The following PCDHA3 variants were observed in gnomAD, a reference collection of about 807,000 sequenced individuals.
PCDHA3 encodes the protein protocadherin alpha 3, also known as protocadherin alpha-3.
A neutral mutation model predicts 62.2 loss-of-function variants in PCDHA3; 41 were observed. The observed-to-expected ratio is 0.66, with a 90% CI of 0.51 to 0.86. The LOEUF (loss-of-function observed/expected upper bound fraction) is 0.86, where lower values mean the gene tolerates loss of function less well. Ranked by LOEUF, PCDHA3 falls within the 40% of genes least tolerant of loss-of-function variation. The pLI is 0.00. For missense variants in PCDHA3, 1,304 were observed against 1,241.2 expected (o/e 1.05, Z -0.76); for synonymous variants, 640 against 555.4 (o/e 1.15, Z -2.14).
In PCDHA3 at chr5:140,966,763, G is replaced by A. The variant is rs1020607410; in HGVS notation, c.2395-12186G>A. 2.7e-6 allele frequency: 4 copies of A among 1,470,486 alleles called. No homozygotes were observed. The South Asian group carries it at 5.5e-5, about 20-fold the overall frequency. 91.1% of individuals were successfully genotyped at this position (1,470,486 alleles called of 1,614,324 possible). A position where few individuals can be genotyped will look rare whatever the true frequency, so the allele number is the denominator to read the frequency against. Reference sequence around the variant, plus strand: ...CCCGGCTGCCTCCGCCGCGGCCAGTGGCTATGGAGCAGGCGGGCACCAGAC... The same window carrying A: ...CCCGGCTGCCTCCGCCGCGGCCAGTAGCTATGGAGCAGGCGGGCACCAGAC... On this transcript the variant is annotated intron_variant, in intron 1 of 3. Transcript: ENST00000522353.
Position 140,802,624 on chromosome 5 carries a change from C to T in PCDHA3, c.1427C>T (p.Thr476Met), listed in dbSNP as rs782202213. The T allele has an allele frequency of 1.9e-6, 3 of 1,613,950 alleles. No homozygotes were observed. Among genetic ancestry groups the T allele is most frequent in the Non-Finnish European group, 2.5e-6 (3 of 1,179,934 alleles). The change falls in exon 1 of 4, where the codon ACG becomes ATG. Residue 476 changes from threonine to methionine, a missense_variant. Thr to Met is a moderately conservative substitution (Grantham distance 81). Transcript: ENST00000522353. ...AACCCGCCGGGCTGCCACATCTTCA[C>T]GGTGTCTGCGCGGGACGCGGACGCG... is the stretch of plus-strand genomic sequence containing the variant. ...ENNPPGCHIF[T>M]VSARDADAQE...
Position 140,875,764 on chromosome 5 carries a change from C to T in PCDHA3, c.2394+72173C>T, listed in dbSNP as rs782377276. On this transcript the variant is annotated intron_variant, in intron 1 of 3. Coordinates refer to ENST00000522353, the MANE Select transcript of PCDHA3 (RefSeq NM_018906.3). ...GATCGACCGCGAGAAGCTGTGCGGGCGGAGCGCGGAGTGCAGTATCCACCT... is the reference window on the plus strand; with the variant it reads ...GATCGACCGCGAGAAGCTGTGCGGGTGGAGCGCGGAGTGCAGTATCCACCT... 27 of 1,614,078 alleles carry T rather than the reference C, an allele frequency of 1.7e-5. No homozygotes were observed. In the South Asian group the frequency reaches 2.1e-4, roughly 12 times the overall value.
chr5:140,857,359 G>T lies in PCDHA3; in HGVS notation c.2394+53768G>T, dbSNP rs200721411. ...GGGGCTCGCCTCCGCTGTGGGCCAC[G>T]GCCAGCGTGTCTGTGGAGGTGGCCG... On this transcript the variant is annotated intron_variant, in intron 1 of 3. Coordinates refer to ENST00000522353, the MANE Select transcript of PCDHA3 (RefSeq NM_018906.3). 3 of 1,598,398 alleles carry T rather than the reference G, an allele frequency of 1.9e-6. No individual in the cohort carries two copies. The South Asian group carries it at 3.3e-5, about 18-fold the overall frequency.
chr5:140,850,280 C>T lies in PCDHA3; in HGVS notation c.2394+46689C>T. ...CCGGCGTAGTGGTGGGGAAGGTGCG[C>T]GCAGTGGACGCCGACTCGGGCTACA... is the stretch of plus-strand genomic sequence containing the variant. On this transcript the variant is annotated intron_variant, in intron 1 of 3. Coordinates refer to ENST00000522353, the MANE Select transcript of PCDHA3 (RefSeq NM_018906.3). The T allele has an allele frequency of 3.1e-6, 5 of 1,595,478 alleles. 1 individual carries two copies. Among genetic ancestry groups the T allele is most frequent in the Non-Finnish European group, 8.6e-7 (1 of 1,167,556 alleles).
chr5:140,802,057 C>T lies in PCDHA3; in HGVS notation c.860C>T (p.Ala287Val). 1 of 1,614,138 alleles carries T rather than the reference C, an allele frequency of 6.2e-7. No individual in the cohort carries two copies. Among genetic ancestry groups the T allele is most frequent in the Non-Finnish European group, 8.5e-7 (1 of 1,180,026 alleles). ...TATTCTTTCAATACGGACATGTCAG[C>T]AGATATTCTGTCAAAATTCCATTTA... The part of the protein sequence containing the change: ...IAYSFNTDMS[A>V]DILSKFHLDP... The change falls in exon 1 of 4, where the codon GCA (alanine) becomes GTA (valine). Residue 287 changes from alanine (A) to valine (V), a missense_variant. Ala to Val is a moderately conservative substitution (Grantham distance 64). Coordinates refer to ENST00000522353, the MANE Select transcript of PCDHA3 (RefSeq NM_018906.3).
chr5:140,829,782 C>T (rs2150174581), intron 1 of PCDHA3: 1 of 1,613,798 alleles, frequency 6.2e-7, no homozygotes. Flanking sequence ...AACGCGCCGG[C>T]GCTGCTGGCG....
At chr5:140,823,382 C>T in intron 1 of PCDHA3, 2 of 1,612,792 alleles carry the variant, frequency 1.2e-6, no homozygotes, top group Non-Finnish European at 1.7e-6. Flanking sequence ...CAGGTGAGCG[C>T]GCGCGACGCG....
In PCDHA3 at chr5:140,850,799, C is replaced by T. The variant is rs2150498794; in HGVS notation, c.2394+47208C>T. On this transcript the variant is annotated intron_variant, in intron 1 of 3. Coordinates refer to ENST00000522353, the MANE Select transcript of PCDHA3 (RefSeq NM_018906.3). ...CTGGCGAGGGTAAGCAGAAGACCGA[C>T]CTCATGGCCTTCAGCCCGGGCCTTT... The T allele has an allele frequency of 1.8e-4, 280 of 1,598,266 alleles. 23 individuals are homozygous for T. The Admixed American group carries it at 4.6e-3, about 26-fold the overall frequency.
chr5:140,822,847 G>C, intron 1 of PCDHA3: 1 of 1,614,212 alleles, frequency 6.2e-7, no homozygotes, highest in Non-Finnish European at 8.5e-7. Flanking sequence ...TTTCCTGCCT[G>C]TCAAAGAGGA....
intron 1 of PCDHA3, among the ~76,000 whole-genome samples, chr5:140,901,760 G>C (rs909858668): frequency 6.6e-6 from 1 of 152,102 alleles, no homozygotes; most frequent in Admixed American, 6.5e-5. Context: ...TTTTGACAGG[G>C]ATTGCATTGA....
intron 2 of PCDHA3, among the ~76,000 whole-genome samples, chr5:140,981,637 C>A (rs1229068909): frequency 6.6e-6 from 1 of 152,150 alleles, no homozygotes; most frequent in Non-Finnish European, 1.5e-5. Context: ...TGGACATTTT[C>A]TCTTAGGATC....
chr5:140,879,402 T>C (rs571790), intron 1 of PCDHA3, among the ~76,000 whole-genome samples: 2,265 of 152,304 alleles, frequency 0.015, 52 homozygotes, highest in African/African-American at 0.052. Context: ...TTTGTGTGTA[T>C]TTGAGCAGGT....
intron 1 of PCDHA3, chr5:140,856,358 C>T: frequency 6.3e-7 from 1 of 1,598,606 alleles, no homozygotes; most frequent in African/African-American, 1.3e-5. Context: ...GTGCAGCATC[C>T]ACCTGGAGGT....
At chr5:140,810,496 A>T (rs1258787751) in intron 1 of PCDHA3, 1 of 152,222 alleles carries the variant, frequency 6.6e-6, no homozygotes, top group Non-Finnish European at 1.5e-5. Context: ...TACATTTGTC[A>T]GGTTATTTTC....
At chr5:140,914,944 C>CTTTT (rs35695909) in intron 1 of PCDHA3, among the ~76,000 whole-genome samples, 1 of 128,266 alleles carries the variant, frequency 7.8e-6, no homozygotes, top group South Asian at 2.5e-4. Context: ...GAAAAGTTGT[C>CTTTT]TTTTTTTTTT....
At chr5:140,856,393 T>A in intron 1 of PCDHA3, 1 of 1,598,412 alleles carries the variant, frequency 6.3e-7, no homozygotes, top group African/African-American at 1.3e-5. Flanking sequence ...CGCTGCAGGT[T>A]TTCCATGTGG....
intron 1 of PCDHA3, chr5:140,866,572 G>A (rs1184209628): frequency 1.3e-5 from 2 of 152,168 alleles, no homozygotes; most frequent in Non-Finnish European, 2.9e-5. Context: ...TGTTAATACA[G>A]TGGTTGGATA....
chr5:140,937,911 CAA>C (rs200797202), intron 1 of PCDHA3, among the ~76,000 whole-genome samples: 76 of 117,920 alleles, frequency 6.4e-4, no homozygotes, highest in Admixed American at 7.8e-4. Context: ...GACTCCGTCT[CAA>C]AAAAAAAAAA....
intron 3 of PCDHA3, among the ~76,000 whole-genome samples, chr5:141,000,391 C>CTATATA (rs2097912428): frequency 7.1e-5 from 4 of 56,662 alleles, no homozygotes; most frequent in Non-Finnish European, 1.2e-4. Flanking sequence ...CTCTCTCTCT[C>CTATATA]TCTCTATATA....
Sources: allele counts gnomAD v4.1 joint callset (sites outside exome capture counted in the v4.1 genomes callset), GRCh38; gene constraint gnomAD v4.1.1; transcripts MANE v1.5; gene names NCBI Gene and HGNC (gene_info 2026-07-23, HGNC 2026-07-21).